ADAMDEC1: variants seen among roughly 807,000 people sequenced by gnomAD.
ADAMDEC1 encodes ADAM like decysin 1.
ADAMDEC1 carries 62 observed loss-of-function variants against 60.4 expected under a neutral mutation model. That is an observed-to-expected ratio of 1.03 (90% CI 0.84 to 1.27). ADAMDEC1 has a LOEUF of 1.27. Among genes scored for constraint, ADAMDEC1 ranks in the 50% most tolerant of loss-of-function variants. The pLI, the probability that ADAMDEC1 is intolerant of heterozygous loss-of-function variation, is 0.00. For synonymous variants in ADAMDEC1, 210 were observed against 195.1 expected (o/e 1.08, Z -0.64); for missense variants, 595 against 565.0 (o/e 1.05, Z -0.54).
At position 24,405,403 on chromosome 8, in the gene ADAMDEC1, T is replaced by C; in HGVS notation, c.*105T>C. Reference sequence around the variant, plus strand: ...ATTTTCACCCATAATGGTCTTTCACTTGTCATTCTACTTTCTATATTGTTA... The same window carrying C: ...ATTTTCACCCATAATGGTCTTTCACCTGTCATTCTACTTTCTATATTGTTA... On this transcript the variant is annotated 3_prime_UTR_variant, in exon 14 of 14. Transcript: ENST00000256412. 1 of 1,291,766 alleles carries C rather than the reference T, an allele frequency of 7.7e-7. No homozygotes were observed. The highest frequency in any genetic ancestry group is 1.1e-6 in the Non-Finnish European group (1 of 905,358). 80.0% of individuals were successfully genotyped at this position (1,291,766 alleles called of 1,614,324 possible).
chr8:24,399,441 CT>C lies in ADAMDEC1; in HGVS notation c.980del (p.Leu327CysfsTer21). ...GTGTGGGACTGGCAGCTTCAAATTC[CT>C]TGTGTTCCCCATCTTCGGTTGCTGT... ...RRVGLAASNS[L>X]CSPSSVAVIE... is the part of the protein sequence containing the mutation. On this transcript the variant is annotated frameshift_variant, in exon 10 of 14. Transcript: ENST00000256412. LOFTEE classifies it high-confidence loss of function. 6.2e-7 allele frequency: 1 copy of C among 1,613,884 alleles called. No homozygotes were observed.
chr8:24,390,141 C>A (rs543837794), intron 1 of ADAMDEC1: 1 of 715,520 alleles, frequency 1.4e-6, no homozygotes, highest in African/African-American at 1.8e-5. Context: ...TCAAACTGTG[C>A]GTGGCCTAAA....
rs1167120695 is a variant in ADAMDEC1, at chr8:24,384,401, C to T, written c.-104C>T. On this transcript the variant is annotated 5_prime_UTR_variant, in exon 1 of 14. Transcript: ENST00000256412. ...ACAATTTCCCAACACTCTTAAGAAA[C>T]ATTCCCCAATCTCACACGAAAAGTG... The T allele has an allele frequency of 1.1e-6, 1 of 900,472 alleles. No individual in the cohort carries two copies. The highest frequency in any genetic ancestry group is 1.6e-6 in the Non-Finnish European group (1 of 607,332). 55.8% of individuals were successfully genotyped at this position (900,472 alleles called of 1,614,324 possible). A position where few individuals can be genotyped will look rare whatever the true frequency, so the allele number is the denominator to read the frequency against.
chr8:24,393,278 A>C lies in ADAMDEC1; in HGVS notation c.224A>C (p.Glu75Ala), dbSNP rs2129359128. ...KHGKEERYEPEVQYQMILNGE... is the reference protein window; with the variant it reads ...KHGKEERYEPAVQYQMILNGE... ...TGTTTTCAGGAAAGGTATGAACCTG[A>C]AGTTCAATATCAGATGATCTTAAAT... The change falls in exon 3 of 14, where the codon GAA (glutamate) becomes GCA (alanine). Residue 75 changes from glutamate to alanine, a missense_variant. Glu to Ala is a moderately radical substitution (Grantham distance 107). Transcript: ENST00000256412. The C allele has an allele frequency of 5.0e-6, 8 of 1,600,116 alleles. No homozygotes were observed. In the South Asian group the frequency reaches 7.9e-5, roughly 16 times the overall value.
chr8:24,398,799 C>A, intron 8 of ADAMDEC1, 75 bp from the exon 9 acceptor site: 1 of 1,441,728 alleles, frequency 6.9e-7, no homozygotes, highest in Non-Finnish European at 9.6e-7. Context: ...TTATCTATTA[C>A]TTGTGGTCAA....
intron 7 of ADAMDEC1, among the ~76,000 whole-genome samples, chr8:24,398,065 T>A (rs1817662399): frequency 6.7e-6 from 1 of 150,150 alleles, no homozygotes; most frequent in African/African-American, 2.4e-5. Context: ...ATATATTTAA[T>A]ATAAATATTA....
At chr8:24,401,754 T>C (rs963181270) in intron 11 of ADAMDEC1, among the ~76,000 whole-genome samples, 161 bp from the exon 12 acceptor site, 6 of 152,180 alleles carry the variant, frequency 3.9e-5, no homozygotes, top group Non-Finnish European at 7.4e-5. Context: ...CCACATTTAA[T>C]ACAGGGCAGT....
chr8:24,391,640 C>A (rs1427391503), intron 1 of ADAMDEC1, among the ~76,000 whole-genome samples: 1 of 152,006 alleles, frequency 6.6e-6, no homozygotes, highest in Non-Finnish European at 1.5e-5. Flanking sequence ...AAAGAGAGGC[C>A]AACAAAAACT....
intron 11 of ADAMDEC1, among the ~76,000 whole-genome samples, chr8:24,401,259 T>C (rs1196773111): frequency 1.3e-5 from 2 of 152,152 alleles, no homozygotes; most frequent in Non-Finnish European, 2.9e-5. Flanking sequence ...CTTGCACGTA[T>C]GATGACCTTA....
At chr8:24,393,621 T>C (rs1039721453) in intron 3 of ADAMDEC1, among the ~76,000 whole-genome samples, 2 of 152,206 alleles carry the variant, frequency 1.3e-5, no homozygotes, top group African/African-American at 2.4e-5. Flanking sequence ...CAGCTTTCCA[T>C]TCTTTTATGA....
chr8:24,386,521 C>T (rs988062619), intron 1 of ADAMDEC1, among the ~76,000 whole-genome samples: 3 of 152,186 alleles, frequency 2.0e-5, no homozygotes, highest in Non-Finnish European at 4.4e-5. Context: ...CTGCCATATT[C>T]ACCAATCTAC....
chr8:24,393,205 A>G (rs1817495058), intron 2 of ADAMDEC1, 57 bp from the exon 3 acceptor site: 2 of 1,092,560 alleles, frequency 1.8e-6, no homozygotes, highest in East Asian at 2.5e-5. Flanking sequence ...CTACATATAT[A>G]ATTATTTTAG....
chr8:24,388,263 C>CT (rs1476723930), intron 1 of ADAMDEC1, among the ~76,000 whole-genome samples: 4 of 152,204 alleles, frequency 2.6e-5, no homozygotes, highest in African/African-American at 9.6e-5. Flanking sequence ...TCCCACCACT[C>CT]TGACCAATCC....
intron 10 of ADAMDEC1, among the ~76,000 whole-genome samples, chr8:24,399,892 T>G (rs1817717298): frequency 6.6e-6 from 1 of 152,206 alleles, no homozygotes; most frequent in African/African-American, 2.4e-5. Context: ...ACCTCCGATA[T>G]GGTGCCTATG....
Position 24,400,308 on chromosome 8 carries a change from C to T in ADAMDEC1, c.1142+8C>T, listed in dbSNP as rs1322506103. 1 of 1,585,570 alleles carries T rather than the reference C, an allele frequency of 6.3e-7. No individual in the cohort carries two copies. Among genetic ancestry groups the T allele is most frequent in the Non-Finnish European group, 8.5e-7 (1 of 1,170,668 alleles). On this transcript the variant is annotated splice_region_variant and intron_variant, in intron 11 of 13. Transcript: ENST00000256412. Reference sequence around the variant, plus strand: ...GATGAATCAGTATCTGAGGTGAGACCTTGTCATCCTAAAAGGAGAGAGATA... The same window carrying T: ...GATGAATCAGTATCTGAGGTGAGACTTTGTCATCCTAAAAGGAGAGAGATA...
chr8:24,394,451 GTTC>G lies in ADAMDEC1; in HGVS notation c.363+309_363+311del, dbSNP rs3830351. On this transcript the variant is annotated intron_variant, in intron 4 of 13. Coordinates refer to ENST00000256412, the MANE Select transcript of ADAMDEC1 (RefSeq NM_014479.3). ...ACCATTTTATCCATAGGTTAGAAAA[GTTC>G]TTCTCTATACGTACTTAAAACCTCT... Among the ~76,000 whole-genome samples the G allele has an allele frequency of 7.9e-5, 12 of 152,232 alleles. No individual in the cohort carries two copies. The East Asian group carries it at 2.3e-3, about 29-fold the overall frequency.
At chr8:24,400,077 A>G in intron 10 of ADAMDEC1, 93 bp from the exon 11 acceptor site, 1 of 1,032,220 alleles carries the variant, frequency 9.7e-7, no homozygotes, top group Non-Finnish European at 1.3e-6. Context: ...CTAACAATTC[A>G]CTAGTTTTCA....
At chr8:24,404,294 T>C (rs1817837376) in intron 13 of ADAMDEC1, among the ~76,000 whole-genome samples, 1 of 152,202 alleles carries the variant, frequency 6.6e-6, no homozygotes, top group East Asian at 1.9e-4. Context: ...GTAGCTACTT[T>C]GACATTTGTG....
Position 24,397,500 on chromosome 8 carries a change from A to G in ADAMDEC1, c.627+44A>G, listed in dbSNP as rs764330169. ...CCTCATCATTTACTTCAATTGTCTC[A>G]GCAAAGATAGGCAATATACTACTAT... is the stretch of plus-strand genomic sequence containing the variant. On this transcript the variant is annotated intron_variant, in intron 6 of 13. Transcript: ENST00000256412. 4 of 1,597,810 alleles carry G rather than the reference A, an allele frequency of 2.5e-6. No homozygotes were observed. The African/African-American group carries it at 5.4e-5, about 22-fold the overall frequency.
Sources: allele counts gnomAD v4.1 joint callset (sites outside exome capture counted in the v4.1 genomes callset), GRCh38; gene constraint gnomAD v4.1.1; transcripts MANE v1.5; gene names NCBI Gene and HGNC (gene_info 2026-07-23, HGNC 2026-07-21).